The following AFG3L2 variants were observed in gnomAD, a reference collection of about 807,000 sequenced individuals.
AFG3L2 encodes AFG3 like matrix AAA peptidase subunit 2.
In AFG3L2, 54 loss-of-function variants were observed where a neutral mutation model predicts 94.5. The observed-to-expected ratio is 0.57, with a 90% CI of 0.46 to 0.72. The LOEUF is 0.72. AFG3L2 is among the 30% of genes least tolerant of loss of function. The pLI, the probability that AFG3L2 is intolerant of heterozygous loss-of-function variation, is 0.00. For synonymous variants in AFG3L2, 377 were observed against 365.5 expected (o/e 1.03, Z -0.36); for missense variants, 754 against 994.9 (o/e 0.76, Z 3.26).
At chr18:12,354,144 C>CAA (rs1425642123) in intron 9 of AFG3L2, among the ~76,000 whole-genome samples, 11 of 131,272 alleles carry the variant, frequency 8.4e-5, no homozygotes, top group African/African-American at 3.5e-4. Flanking sequence ...CCCCCCCCCC[C>CAA]CACTTCACTG....
chr18:12,361,477 T>A (rs1244491541), intron 6 of AFG3L2, among the ~76,000 whole-genome samples: 1 of 151,444 alleles, frequency 6.6e-6, no homozygotes, highest in African/African-American at 2.4e-5. Context: ...TGAAACCCCG[T>A]CTCTACTAAA....
At chr18:12,340,919 CTTTT>C (rs11344408) in intron 14 of AFG3L2, 12 of 143,610 alleles carry the variant, frequency 8.4e-5, no homozygotes, top group Middle Eastern at 3.7e-3. Flanking sequence ...AATGGCTTTT[CTTTT>C]TTTTTTTTTT....
At chr18:12,352,961 A>C (rs1445631594) in intron 10 of AFG3L2, 44 bp downstream of exon 10, 14 of 1,610,572 alleles carry the variant, frequency 8.7e-6, no homozygotes, top group Non-Finnish European at 1.2e-5. Context: ...CTCAAAAAAA[A>C]AAACAAAAGT....
chr18:12,353,746 T>C (rs1448753716), intron 9 of AFG3L2, among the ~76,000 whole-genome samples: 2 of 152,292 alleles, frequency 1.3e-5, no homozygotes, highest in East Asian at 1.9e-4. Flanking sequence ...GCTATTTTTG[T>C]AACATCAACA....
chr18:12,332,303 T>C (rs1286639114), intron 16 of AFG3L2, among the ~76,000 whole-genome samples: 1 of 151,984 alleles, frequency 6.6e-6, no homozygotes, highest in East Asian at 1.9e-4. Context: ...TTTTGTATTT[T>C]AAGTAGAGAT....
Position 12,356,845 on chromosome 18 carries a change from A to C in AFG3L2, c.1027-14T>G. ...GAGAATGGCACCCTTCAGATATGAA[A>C]AAAGAAATTACATTTAATGAGAATT... is the stretch of plus-strand genomic sequence containing the variant. On this transcript the variant is annotated splice_polypyrimidine_tract_variant and intron_variant, in intron 8 of 16. Transcript: ENST00000269143. 1.9e-6 allele frequency: 3 copies of C among 1,613,450 alleles called. No individual in the cohort carries two copies. The highest frequency in any genetic ancestry group is 2.5e-6 in the Non-Finnish European group (3 of 1,179,732).
At chr18:12,361,389 C>T (rs1384667495) in intron 6 of AFG3L2, among the ~76,000 whole-genome samples, 2 of 152,072 alleles carry the variant, frequency 1.3e-5, no homozygotes, top group African/African-American at 4.8e-5. Context: ...TGGCTCACGC[C>T]TGTAATTCCA....
chr18:12,359,085 G>T (rs759368154), intron 7 of AFG3L2, 142 bp from the exon 8 acceptor site: 1 of 1,266,926 alleles, frequency 7.9e-7, no homozygotes, highest in African/African-American at 1.5e-5. Context: ...TAACTTGCAA[G>T]TGTTCTTCAA....
rs543969956 is a variant in AFG3L2, at chr18:12,329,707, G to A, written c.2252C>T (p.Ala751Val). 2.0e-5 allele frequency: 33 copies of A among 1,614,128 alleles called. No individual in the cohort carries two copies. The highest frequency in any genetic ancestry group is 3.3e-5 in the South Asian group (3 of 91,080). Residue 751 changes from alanine to valine, a missense_variant, in exon 17 of 17, where the codon GCG becomes GTG. By Grantham distance (64) the Ala-to-Val change is moderately conservative. Around this residue, in one of 4 missense-constraint regions of AFG3L2, gnomAD observed 279 missense variants for 378.6 expected, o/e 0.74. Transcript: ENST00000269143. ...MVELLGPRPFAEKSTYEEFVE... is the reference protein window; with the variant it reads ...MVELLGPRPFVEKSTYEEFVE... ...AAATTCTTCATAGGTAGATTTTTCC[G>A]CAAATGGTCTGGGGCCCAAAAGTTC...
intron 7 of AFG3L2, among the ~76,000 whole-genome samples, chr18:12,359,574 A>G (rs1908595369): frequency 6.6e-6 from 1 of 152,118 alleles, no homozygotes; most frequent in South Asian, 2.1e-4. Flanking sequence ...CCCTGCCTCT[A>G]CTAGAAATAC....
intron 13 of AFG3L2, among the ~76,000 whole-genome samples, chr18:12,346,765 G>A (rs566248149): frequency 1.4e-4 from 21 of 150,924 alleles, no homozygotes; most frequent in Non-Finnish European, 2.4e-4. Context: ...TTAGCCAGGC[G>A]TGGTGGCACG....
chr18:12,355,125 G>T (rs1470054153), intron 9 of AFG3L2, among the ~76,000 whole-genome samples: 4 of 151,084 alleles, frequency 2.6e-5, no homozygotes, highest in African/African-American at 4.9e-5. Context: ...GGCTGAGGCA[G>T]AATCACTTGA....
At chr18:12,349,585 T>C (rs1598828418) in intron 12 of AFG3L2, among the ~76,000 whole-genome samples, 1 of 152,232 alleles carries the variant, frequency 6.6e-6, no homozygotes, top group East Asian at 1.9e-4. Context: ...AATGAAGTTC[T>C]GATGCCTGCC....
chr18:12,372,748 A>C (rs1411719944), intron 1 of AFG3L2, among the ~76,000 whole-genome samples: 1 of 152,276 alleles, frequency 6.6e-6, no homozygotes, highest in Non-Finnish European at 1.5e-5. Context: ...ATGAACTCTG[A>C]AAACATCATA....
chr18:12,368,246 C>T (rs1401695208), intron 3 of AFG3L2, among the ~76,000 whole-genome samples: 1 of 152,080 alleles, frequency 6.6e-6, no homozygotes, highest in African/African-American at 2.4e-5. Context: ...GTGGTCCCAG[C>T]TACACAGGAG....
At chr18:12,372,034 A>G (rs1909007828) in intron 1 of AFG3L2, among the ~76,000 whole-genome samples, 1 of 152,312 alleles carries the variant, frequency 6.6e-6, no homozygotes, top group Non-Finnish European at 1.5e-5. Context: ...GGCCAGGCGC[A>G]GTGGCTCACA....
Position 12,356,781 on chromosome 18 carries a change from C to T in AFG3L2, c.1077G>A (p.Lys359=), listed in dbSNP as rs1908509803. The T allele has an allele frequency of 1.2e-6, 2 of 1,614,208 alleles. No homozygotes were observed. Among genetic ancestry groups the T allele is most frequent in the East Asian group, 4.5e-5 (2 of 44,886 alleles). ...GGACATTGGCTTCTCCGGCTGTGGC[C>T]TTAGCTAGCAGCGTCTTCCCAGTGC... ...PPGTGKTLLA[K]ATAGEANVPF... Residue 359 remains lysine, a synonymous_variant, in exon 9 of 17, where the codon AAG becomes AAA. Coordinates refer to ENST00000269143, the MANE Select transcript of AFG3L2 (RefSeq NM_006796.3).
intron 1 of AFG3L2, among the ~76,000 whole-genome samples, chr18:12,374,309 T>A (rs1159064628): frequency 6.6e-6 from 1 of 152,246 alleles, no homozygotes; most frequent in African/African-American, 2.4e-5. Context: ...GCCTTTATGT[T>A]TGACAACAGG....
chr18:12,351,336 G>A lies in AFG3L2; in HGVS notation c.1396C>T (p.Pro466Ser). 6.2e-7 allele frequency: 1 copy of A among 1,614,140 alleles called. No homozygotes were observed. Among genetic ancestry groups the A allele is most frequent in the Non-Finnish European group, 8.5e-7 (1 of 1,180,020 alleles). ...AAGATCTGCCTGTCGAAACGCCCCG[G>A]CCTAAGCAGCGCGGGGTCCAGGATA... Reference protein sequence around the residue: ...PDILDPALLRPGRFDRQIFIG... With the variant: ...PDILDPALLRSGRFDRQIFIG... Residue 466 changes from proline to serine, a missense_variant, in exon 11 of 17, where the codon CCG (proline) becomes TCG (serine). This residue lies in a region of AFG3L2 where 109 missense variants were observed against 227.1 expected (regional missense o/e 0.48). Coordinates refer to ENST00000269143, the MANE Select transcript of AFG3L2 (RefSeq NM_006796.3).
Sources: allele counts gnomAD v4.1 joint callset (sites outside exome capture counted in the v4.1 genomes callset), GRCh38; gene constraint gnomAD v4.1.1; regional missense constraint gnomAD v4.1.1; transcripts MANE v1.5; gene names NCBI Gene and HGNC (gene_info 2026-07-23, HGNC 2026-07-21).